CNTN1: variants seen among roughly 807,000 people sequenced by gnomAD.
The protein encoded by CNTN1 is contactin-1.
CNTN1 carries 38 observed loss-of-function variants against 126.4 expected under a neutral mutation model. That is an observed-to-expected ratio of 0.30 (90% CI 0.23 to 0.39). The LOEUF (loss-of-function observed/expected upper bound fraction) is 0.39. Among genes scored for constraint, CNTN1 ranks in the 10% least tolerant of loss-of-function variants. The pLI, the probability that CNTN1 is intolerant of heterozygous loss-of-function variation, is 1.00. For synonymous variants in CNTN1, 413 were observed against 422.6 expected (o/e 0.98, Z 0.28); for missense variants, 1,009 against 1,248.4 (o/e 0.81, Z 2.89).
intron 1 of CNTN1, among the ~76,000 whole-genome samples, chr12:40,726,053 T>C (rs1204628678): frequency 6.6e-6 from 1 of 152,026 alleles, no homozygotes; most frequent in African/African-American, 2.4e-5. Context: ...TATGGTAAAA[T>C]ATCTAACATT....
intron 1 of CNTN1, among the ~76,000 whole-genome samples, chr12:40,769,890 G>A (rs1939265646): frequency 6.6e-6 from 1 of 152,098 alleles, no homozygotes; most frequent in Admixed American, 6.6e-5. Flanking sequence ...AATTAGTTAT[G>A]TGTAAATATC....
chr12:40,960,542 A>G (rs569221080), intron 15 of CNTN1, among the ~76,000 whole-genome samples: 1 of 151,558 alleles, frequency 6.6e-6, no homozygotes, highest in South Asian at 2.1e-4. Context: ...AATGCTGAAA[A>G]CTCTTCTACT....
At chr12:40,737,658 C>T (rs2121292131) in intron 1 of CNTN1, among the ~76,000 whole-genome samples, 1 of 152,004 alleles carries the variant, frequency 6.6e-6, no homozygotes, top group East Asian at 1.9e-4. Context: ...TCCACTGACT[C>T]AAATGTTAAT....
At chr12:40,919,846 C>G (rs1345656774) in intron 4 of CNTN1, among the ~76,000 whole-genome samples, 1 of 152,094 alleles carries the variant, frequency 6.6e-6, no homozygotes, top group Non-Finnish European at 1.5e-5. Flanking sequence ...ATAAATAACA[C>G]ATTTGTTCTC....
chr12:40,921,881 T>C (rs1000740002), intron 4 of CNTN1, among the ~76,000 whole-genome samples: 1 of 152,218 alleles, frequency 6.6e-6, no homozygotes, highest in Non-Finnish European at 1.5e-5. Context: ...GGTAGAACAA[T>C]GCTTTTAATA....
intron 7 of CNTN1, among the ~76,000 whole-genome samples, chr12:40,931,340 C>T (rs1408474648): frequency 1.3e-5 from 2 of 151,896 alleles, no homozygotes; most frequent in Non-Finnish European, 2.9e-5. Context: ...CTCCCTTCTG[C>T]CTCTCTGACA....
chr12:40,950,641 T>C (rs1293230121), intron 14 of CNTN1, among the ~76,000 whole-genome samples: 2 of 152,206 alleles, frequency 1.3e-5, no homozygotes, highest in African/African-American at 4.8e-5. Context: ...TCTATCATAC[T>C]TCATTCTGTA....
intron 1 of CNTN1, among the ~76,000 whole-genome samples, chr12:40,851,758 AAGGC>A (rs1942723257): frequency 6.6e-6 from 1 of 152,146 alleles, no homozygotes; most frequent in South Asian, 2.1e-4. Context: ...CCCCAAAGAT[AAGGC>A]TTAGCGATAT....
At chr12:40,738,979 GAGA>G (rs2136377838) in intron 1 of CNTN1, among the ~76,000 whole-genome samples, 1 of 152,104 alleles carries the variant, frequency 6.6e-6, no homozygotes, top group African/African-American at 2.4e-5. Flanking sequence ...ATATATGCTG[GAGA>G]AGAACAGTGG....
chr12:40,773,496 A>G (rs867048896), intron 1 of CNTN1, among the ~76,000 whole-genome samples: 2 of 151,356 alleles, frequency 1.3e-5, no homozygotes, highest in East Asian at 3.9e-4. Flanking sequence ...ATTGACTTTC[A>G]TATGTTAAAT....
At chr12:41,031,670 G>A (rs956368000) in intron 23 of CNTN1, among the ~76,000 whole-genome samples, 1 of 151,816 alleles carries the variant, frequency 6.6e-6, no homozygotes, top group Non-Finnish European at 1.5e-5. Flanking sequence ...CCAAACTTAG[G>A]ATATTTTTCA....
chr12:40,942,096 A>G (rs1946281577), intron 12 of CNTN1, among the ~76,000 whole-genome samples: 2 of 152,112 alleles, frequency 1.3e-5, no homozygotes, highest in African/African-American at 4.8e-5. Flanking sequence ...TTCCACTGCT[A>G]CTTCATTATA....
At chr12:41,008,597 T>A (rs1205295481) in intron 17 of CNTN1, among the ~76,000 whole-genome samples, 3 of 152,222 alleles carry the variant, frequency 2.0e-5, no homozygotes, top group Admixed American at 2.0e-4. Context: ...TTCCACCAAC[T>A]ATCTATGACA....
chr12:40,771,469 TG>T (rs1452620235), intron 1 of CNTN1, among the ~76,000 whole-genome samples: 1 of 152,060 alleles, frequency 6.6e-6, no homozygotes, highest in African/African-American at 2.4e-5. Flanking sequence ...CTGCTAGATA[TG>T]GGAAACTCTA....
At chr12:40,712,593 C>T (rs1941947492) in intron 1 of CNTN1, among the ~76,000 whole-genome samples, 4 of 152,030 alleles carry the variant, frequency 2.6e-5, no homozygotes, top group Admixed American at 2.6e-4. Context: ...GCCCAACCAA[C>T]CCCATAGCCT....
At chr12:40,986,451 C>T (rs571751819) in intron 16 of CNTN1, among the ~76,000 whole-genome samples, 20 of 152,292 alleles carry the variant, frequency 1.3e-4, no homozygotes, top group Non-Finnish European at 2.4e-4. Flanking sequence ...TCAAGTAATT[C>T]GAATGTATGA....
At chr12:40,774,344 C>G (rs914759810) in intron 1 of CNTN1, among the ~76,000 whole-genome samples, 11 of 151,560 alleles carry the variant, frequency 7.3e-5, no homozygotes, top group Non-Finnish European at 1.5e-4. Flanking sequence ...CTAAGGAAGG[C>G]AGTCACGATT....
At chr12:40,927,270 T>C (rs1945728322) in intron 6 of CNTN1, among the ~76,000 whole-genome samples, 2 of 152,116 alleles carry the variant, frequency 1.3e-5, no homozygotes, top group African/African-American at 4.8e-5. Flanking sequence ...CAAAGATGAT[T>C]GATTTTATCA....
At chr12:41,032,094 A>AT in intron 23 of CNTN1, among the ~76,000 whole-genome samples, 1 of 152,324 alleles carries the variant, frequency 6.6e-6, no homozygotes, top group South Asian at 2.1e-4. Context: ...CACAGTTCAC[A>AT]TATTTAAAAT....
Sources: allele counts gnomAD v4.1 joint callset (sites outside exome capture counted in the v4.1 genomes callset), GRCh38; gene constraint gnomAD v4.1.1; transcripts MANE v1.5; gene names NCBI Gene and HGNC (gene_info 2026-07-23, HGNC 2026-07-21).